The following ELP4 variants were observed in gnomAD, a reference collection of about 807,000 sequenced individuals.
The protein encoded by ELP4 is elongator complex protein 4.
ELP4 carries 51 observed loss-of-function variants against 48.9 expected under a neutral mutation model. That is an observed-to-expected ratio of 1.04 (90% confidence interval 0.83 to 1.32). The LOEUF is 1.32. ELP4 is among the 40% of genes most tolerant of loss of function. The probability of loss-of-function intolerance (pLI) is 0.00; values close to 1 mark genes in which losing one functional copy is unlikely to be tolerated. For missense variants in ELP4, 519 were observed against 514.6 expected, an observed-to-expected ratio of 1.01 and a Z score of -0.08; for synonymous variants, 210 against 189.2, an observed-to-expected ratio of 1.11 and a Z score of -0.90.
At chr11:31,706,697 A>G (rs1246531673) in intron 9 of ELP4, among the ~76,000 whole-genome samples, 1 of 151,512 alleles carries the variant, frequency 6.6e-6, no homozygotes, top group Non-Finnish European at 1.5e-5. Flanking sequence ...CTATAAATGT[A>G]CATCCTTTAA....
At chr11:31,701,042 C>A (rs542882810) in intron 9 of ELP4, among the ~76,000 whole-genome samples, 2 of 152,068 alleles carry the variant, frequency 1.3e-5, no homozygotes, top group South Asian at 2.1e-4. Flanking sequence ...TTTTTAAAAT[C>A]TGATTTACCA....
intron 9 of ELP4, among the ~76,000 whole-genome samples, chr11:31,670,659 C>T (rs539179064): frequency 1.8e-4 from 27 of 152,100 alleles, no homozygotes; most frequent in African/African-American, 6.5e-4. Context: ...CACAATAATA[C>T]AAAGTGAAAA....
At chr11:31,638,278 C>A (rs532127525) in intron 7 of ELP4, among the ~76,000 whole-genome samples, 1 of 151,536 alleles carries the variant, frequency 6.6e-6, no homozygotes, top group Non-Finnish European at 1.5e-5. Context: ...TTAAGTATTG[C>A]CAGAGTTTAA....
At chr11:31,548,735 A>C (rs1358241197) in intron 3 of ELP4, among the ~76,000 whole-genome samples, 1 of 152,192 alleles carries the variant, frequency 6.6e-6, no homozygotes, top group Non-Finnish European at 1.5e-5. Context: ...ACTTCAAACT[A>C]TACTACAAGG....
At chr11:31,692,884 C>T (rs534313683) in intron 9 of ELP4, among the ~76,000 whole-genome samples, 2 of 152,128 alleles carry the variant, frequency 1.3e-5, no homozygotes, top group South Asian at 4.1e-4. Context: ...TTGAATACCT[C>T]CGTTTATGCT....
intron 9 of ELP4, among the ~76,000 whole-genome samples, chr11:31,761,349 A>G (rs942219011): frequency 1.3e-5 from 2 of 152,102 alleles, no homozygotes; most frequent in Non-Finnish European, 2.9e-5. Flanking sequence ...AAAAAAAAAA[A>G]AAGCCATTCA....
chr11:31,632,591 G>A (rs1198759995), intron 7 of ELP4, 186 bp downstream of exon 7: 1 of 442,418 alleles, frequency 2.3e-6, no homozygotes, highest in Non-Finnish European at 3.9e-6. Context: ...TTATCAATTT[G>A]TAAAGTTCCT....
At chr11:31,587,137 A>G (rs913664658) in intron 3 of ELP4, among the ~76,000 whole-genome samples, 4 of 152,200 alleles carry the variant, frequency 2.6e-5, no homozygotes, top group African/African-American at 9.6e-5. Context: ...ACTTCATGAA[A>G]GCAGAGACTT....
At chr11:31,679,059 GTCT>G (rs1476916389) in intron 9 of ELP4, among the ~76,000 whole-genome samples, 4 of 152,076 alleles carry the variant, frequency 2.6e-5, no homozygotes, top group African/African-American at 9.7e-5. Flanking sequence ...CCATCCATCT[GTCT>G]TCTTTGGTGA....
Position 31,783,541 on chromosome 11 carries a change from G to A in ELP4, c.*17G>A, listed in dbSNP as rs1175047033. Reference sequence around the variant, plus strand: ...GACTTCTAGGGATTCCTCCTTAGTCGCTGCATGCAGAATTCTATGACACTC... The same window carrying A: ...GACTTCTAGGGATTCCTCCTTAGTCACTGCATGCAGAATTCTATGACACTC... On this transcript the variant is annotated 3_prime_UTR_variant, in exon 10 of 10. Transcript: ENST00000640961. The A allele has an allele frequency of 5.0e-6, 8 of 1,609,956 alleles. No homozygotes were observed. Among genetic ancestry groups the A allele is most frequent in the Admixed American group, 1.7e-5 (1 of 59,274 alleles).
intron 9 of ELP4, among the ~76,000 whole-genome samples, chr11:31,705,653 A>G (rs1442299483): frequency 6.6e-6 from 1 of 152,182 alleles, no homozygotes; most frequent in Non-Finnish European, 1.5e-5. Context: ...AATGATAATA[A>G]TGGTTATGTC....
intron 9 of ELP4, among the ~76,000 whole-genome samples, chr11:31,732,479 A>AAT (rs1554974518): frequency 6.6e-6 from 1 of 151,538 alleles, no homozygotes; most frequent in African/African-American, 2.4e-5. Context: ...TAAAAAAAAA[A>AAT]AAAATAAATG....
intron 5 of ELP4, among the ~76,000 whole-genome samples, chr11:31,606,111 A>C (rs1197844415): frequency 6.6e-6 from 1 of 152,140 alleles, no homozygotes; most frequent in African/African-American, 2.4e-5. Context: ...AGAATAGGAA[A>C]ATTTATAGAT....
chr11:31,659,862 G>A (rs1386206647), intron 9 of ELP4, among the ~76,000 whole-genome samples: 8 of 151,880 alleles, frequency 5.3e-5, no homozygotes, highest in African/African-American at 1.9e-4. Context: ...CGTGGTGGCA[G>A]GCACCTGTAA....
chr11:31,517,869 T>C (rs1378541850), intron 1 of ELP4, among the ~76,000 whole-genome samples: 1 of 151,192 alleles, frequency 6.6e-6, no homozygotes, highest in Non-Finnish European at 1.5e-5. Context: ...CCACCCGTAT[T>C]GGCCTCCCAA....
chr11:31,629,075 G>C (rs1420815098), intron 6 of ELP4, among the ~76,000 whole-genome samples: 1 of 151,856 alleles, frequency 6.6e-6, no homozygotes, highest in African/African-American at 2.4e-5. Flanking sequence ...CTTATAATTA[G>C]CCTTGGTAGT....
At chr11:31,627,356 T>C (rs898850626) in intron 6 of ELP4, among the ~76,000 whole-genome samples, 162 bp downstream of exon 6, 3 of 151,986 alleles carry the variant, frequency 2.0e-5, no homozygotes, top group Non-Finnish European at 2.9e-5. Context: ...GCAGCCTTAG[T>C]TTGACTGTTA....
At chr11:31,620,173 G>A (rs1275420179) in intron 5 of ELP4, among the ~76,000 whole-genome samples, 2 of 151,998 alleles carry the variant, frequency 1.3e-5, no homozygotes, top group Non-Finnish European at 2.9e-5. Flanking sequence ...TGAAGTTAAA[G>A]TCATACCAGT....
intron 9 of ELP4, among the ~76,000 whole-genome samples, chr11:31,676,672 TAA>T (rs1272812328): frequency 6.6e-6 from 1 of 152,230 alleles, no homozygotes; most frequent in Admixed American, 6.5e-5. Flanking sequence ...TTATAGGTAC[TAA>T]GTGTTAGACA....
Sources: allele counts gnomAD v4.1 joint callset (sites outside exome capture counted in the v4.1 genomes callset), GRCh38; gene constraint gnomAD v4.1.1; transcripts MANE v1.5; gene names NCBI Gene and HGNC (gene_info 2026-07-23, HGNC 2026-07-21).